ARIH2: variants seen among roughly 807,000 people sequenced by gnomAD.
ARIH2 encodes E3 ubiquitin-protein ligase ARIH2.
A neutral mutation model predicts 79.8 loss-of-function variants in ARIH2; 12 were observed. That is an observed-to-expected ratio of 0.15 (90% CI 0.10 to 0.24). The LOEUF is 0.24. Ranked by LOEUF, ARIH2 falls within the 10% of genes least tolerant of loss-of-function variation. The pLI is 1.00. For missense variants in ARIH2, 301 were observed against 618.3 expected, an observed-to-expected ratio of 0.49 and a Z score of 5.44; for synonymous variants, 224 against 213.9, an observed-to-expected ratio of 1.05 and a Z score of -0.41.
At chr3:48,970,397 C>T (rs562670605) in intron 7 of ARIH2, among the ~76,000 whole-genome samples, 198 bp from the exon 8 acceptor site, 1 of 152,294 alleles carries the variant, frequency 6.6e-6, no homozygotes, top group East Asian at 1.9e-4. Context: ...GAGTTGCTAC[C>T]TGGTTTAAGC....
rs552926718 is a variant in ARIH2, at chr3:48,985,702, C to G, written c.*2432C>G. 3.9e-5 allele frequency: 6 copies of G among 152,276 alleles called. No individual in the cohort carries two copies. Among genetic ancestry groups the G allele is most frequent in the African/African-American group, 1.4e-4 (6 of 41,532 alleles). The allele number at this position is 152,276 out of a possible 1,614,324, so 9.4% of individuals were successfully genotyped here. On this transcript the variant is annotated 3_prime_UTR_variant, in exon 16 of 16. Coordinates refer to ENST00000356401, the MANE Select transcript of ARIH2 (RefSeq NM_006321.4). ...ACTCGGCTCTGTTTTCCCTTTCTGG[C>G]TGTTGGGGGAGAGGGCACCTGTAAG...
chr3:48,968,420 A>T, intron 6 of ARIH2, 114 bp from the exon 7 acceptor site: 1 of 975,978 alleles, frequency 1.0e-6, no homozygotes, highest in Non-Finnish European at 1.6e-6. Flanking sequence ...TATTGGTCAG[A>T]CTGGTCTCGA....
At chr3:48,954,605 GAA>G (rs1462418035) in intron 3 of ARIH2, among the ~76,000 whole-genome samples, 1 of 152,130 alleles carries the variant, frequency 6.6e-6, no homozygotes, top group Non-Finnish European at 1.5e-5. Context: ...ATGGTTTTGT[GAA>G]TGTACAAAAT....
At position 48,959,478 on chromosome 3, in the gene ARIH2, T is replaced by C. The variant is rs541341597; in HGVS notation, c.256-2134T>C. Among the ~76,000 whole-genome samples the C allele has an allele frequency of 2.9e-3, 434 of 150,964 alleles. 4 individuals carry two copies. Among genetic ancestry groups the C allele is most frequent in the African/African-American group, 1.0e-2 (412 of 41,216 alleles). On this transcript the variant is annotated intron_variant, in intron 3 of 15. Transcript: ENST00000356401. ...AGCTTTGTTAAGGACACAGAAGAAA[T>C]ATCAGCCATAATTTGGGAAACCTAG... is the stretch of plus-strand genomic sequence containing the variant.
At chr3:48,933,767 G>A (rs2086728662) in intron 3 of ARIH2, among the ~76,000 whole-genome samples, 1 of 150,696 alleles carries the variant, frequency 6.6e-6, no homozygotes, top group Non-Finnish European at 1.5e-5. Context: ...TTGCCAGGAT[G>A]GTCTCGATCT....
chr3:48,960,844 A>T (rs564178515), intron 3 of ARIH2, among the ~76,000 whole-genome samples: 1 of 151,782 alleles, frequency 6.6e-6, no homozygotes, highest in East Asian at 1.9e-4. Context: ...TAGATCTGTC[A>T]TATATTATTT....
At chr3:48,956,439 C>CTTTTT (rs34693818) in intron 3 of ARIH2, among the ~76,000 whole-genome samples, 428 of 36,256 alleles carry the variant, frequency 0.012, 97 homozygotes, top group Non-Finnish European at 0.015. Context: ...GCGCCCGGCA[C>CTTTTT]TTTTTTTTTT....
chr3:48,947,287 C>A (rs1263088852), intron 3 of ARIH2, among the ~76,000 whole-genome samples: 1 of 151,950 alleles, frequency 6.6e-6, no homozygotes, highest in Non-Finnish European at 1.5e-5. Context: ...ACTAAAAATA[C>A]AAAATTAGCC....
chr3:48,980,678 G>C (rs2092713237), intron 13 of ARIH2, among the ~76,000 whole-genome samples, 182 bp downstream of exon 13: 1 of 151,936 alleles, frequency 6.6e-6, no homozygotes, highest in South Asian at 2.1e-4. Context: ...GTCCTCTGAT[G>C]GATGTCCAGG....
At chr3:48,936,905 A>G (rs1276002556) in intron 3 of ARIH2, among the ~76,000 whole-genome samples, 3 of 148,886 alleles carry the variant, frequency 2.0e-5, no homozygotes, top group African/African-American at 7.5e-5. Context: ...GCAGGCGCCT[A>G]TAGTCCCAGC....
intron 3 of ARIH2, among the ~76,000 whole-genome samples, chr3:48,939,757 C>CAAAAAAAAAAAAAAAAAAAAAAAAAAAA (rs1190260583): frequency 2.3e-5 from 1 of 43,528 alleles, no homozygotes; most frequent in African/African-American, 5.1e-5. Flanking sequence ...GACTCCATCT[C>CAAAAAAAAAAAAAAAAAAAAAAAAAAAA]AAAAAAAAAA....
intron 3 of ARIH2, among the ~76,000 whole-genome samples, chr3:48,933,393 G>T (rs2086663146): frequency 6.6e-6 from 1 of 151,274 alleles, no homozygotes; most frequent in Non-Finnish European, 1.5e-5. Flanking sequence ...AAACTCCAGA[G>T]TTCAGACAAT....
intron 3 of ARIH2, among the ~76,000 whole-genome samples, chr3:48,945,904 C>T (rs1167410108): frequency 6.6e-6 from 1 of 152,182 alleles, no homozygotes; most frequent in Non-Finnish European, 1.5e-5. Context: ...AATTGCCTTA[C>T]TTAAGATCCT....
chr3:48,948,153 G>T (rs1465359812), intron 3 of ARIH2, among the ~76,000 whole-genome samples: 1 of 151,488 alleles, frequency 6.6e-6, no homozygotes, highest in Non-Finnish European at 1.5e-5. Context: ...AGTAGAGATG[G>T]AGTTTCACCA....
intron 3 of ARIH2, among the ~76,000 whole-genome samples, chr3:48,929,101 T>C (rs1299819270): frequency 6.6e-6 from 1 of 152,208 alleles, no homozygotes; most frequent in African/African-American, 2.4e-5. Flanking sequence ...ATATACAATG[T>C]TGGTATTTAA....
chr3:48,977,046 T>TA (rs1400095718), intron 11 of ARIH2, among the ~76,000 whole-genome samples: 1 of 151,540 alleles, frequency 6.6e-6, no homozygotes, highest in African/African-American at 2.4e-5. Context: ...TAAAAAAAAA[T>TA]ACAAAATTAG....
chr3:48,955,403 CT>C (rs1180722745), intron 3 of ARIH2, among the ~76,000 whole-genome samples: 1 of 151,614 alleles, frequency 6.6e-6, no homozygotes, highest in Non-Finnish European at 1.5e-5. Context: ...AAGATTTGGC[CT>C]TTTCTTTATA....
chr3:48,939,757 CAA>C (rs1190260583), intron 3 of ARIH2, among the ~76,000 whole-genome samples: 2 of 43,540 alleles, frequency 4.6e-5, no homozygotes, highest in Admixed American at 2.8e-4. Flanking sequence ...GACTCCATCT[CAA>C]AAAAAAAAAA....
At chr3:48,930,222 T>C (rs1271274516) in intron 3 of ARIH2, among the ~76,000 whole-genome samples, 1 of 152,228 alleles carries the variant, frequency 6.6e-6, no homozygotes, top group African/African-American at 2.4e-5. Context: ...AGCAGCTTGC[T>C]TAAGAGTAAA....
Sources: gnomAD v4.1 joint callset for allele counts (sites outside exome capture counted in the v4.1 genomes callset) on GRCh38, gnomAD v4.1.1 for gene constraint, MANE v1.5 for transcripts, NCBI Gene and HGNC (gene_info 2026-07-23, HGNC 2026-07-21) for gene names.